The following ARID1B variants were observed in gnomAD, a reference collection of about 807,000 sequenced individuals.
ARID1B encodes AT-rich interactive domain-containing protein 1B.
A neutral mutation model predicts 212.3 loss-of-function variants in ARID1B; 30 were observed. That is an observed-to-expected ratio of 0.14 (90% CI 0.11 to 0.19). The LOEUF (loss-of-function observed/expected upper bound fraction) is 0.19. Among genes scored for constraint, ARID1B ranks in the 10% least tolerant of loss-of-function variants. The pLI is 1.00. For missense variants in ARID1B, 2,891 were observed against 3,204.0 expected (o/e 0.90, Z 2.36); for synonymous variants, 1,402 against 1,301.7 (o/e 1.08, Z -1.66).
chr6:156,786,559 T>C (rs972880540), intron 1 of ARID1B, among the ~76,000 whole-genome samples: 4 of 152,154 alleles, frequency 2.6e-5, no homozygotes, highest in Non-Finnish European at 5.9e-5. Flanking sequence ...GTAAGATCAG[T>C]TATGTACTTT....
intron 4 of ARID1B, among the ~76,000 whole-genome samples, chr6:157,044,600 C>A (rs1321473247): frequency 1.3e-5 from 2 of 152,178 alleles, no homozygotes; most frequent in Non-Finnish European, 2.9e-5. Context: ...TAGAGGGCTC[C>A]AGTTTGAATT....
At chr6:156,870,780 A>G (rs1289612690) in intron 2 of ARID1B, among the ~76,000 whole-genome samples, 2 of 152,050 alleles carry the variant, frequency 1.3e-5, no homozygotes, top group South Asian at 2.1e-4. Context: ...ATTCTGTCGT[A>G]TTGCACATTA....
chr6:157,188,206 A>T (rs1283297003), intron 13 of ARID1B, among the ~76,000 whole-genome samples: 4 of 140,470 alleles, frequency 2.8e-5, no homozygotes, highest in Non-Finnish European at 4.6e-5. Flanking sequence ...CTTAAAGTTT[A>T]AAAAAAAAAA....
At chr6:157,102,586 T>C (rs1192330262) in intron 5 of ARID1B, among the ~76,000 whole-genome samples, 1 of 150,282 alleles carries the variant, frequency 6.7e-6, no homozygotes, top group Non-Finnish European at 1.5e-5. Context: ...TTTCAGCAAG[T>C]ATTCCTCCTG....
chr6:156,816,045 C>T (rs1222371872), intron 1 of ARID1B, among the ~76,000 whole-genome samples: 1 of 152,188 alleles, frequency 6.6e-6, no homozygotes, highest in East Asian at 1.9e-4. Flanking sequence ...GCTTTATACA[C>T]ATTTACCATT....
chr6:156,848,692 G>A (rs1387085137), intron 2 of ARID1B, among the ~76,000 whole-genome samples: 2 of 152,190 alleles, frequency 1.3e-5, no homozygotes, highest in African/African-American at 4.8e-5. Flanking sequence ...TACCCGGTGT[G>A]TGGTCTGCCA....
intron 1 of ARID1B, among the ~76,000 whole-genome samples, chr6:156,802,298 A>G (rs1780845815): frequency 6.6e-6 from 1 of 152,224 alleles, no homozygotes. Flanking sequence ...AAGCAAAAAT[A>G]CATTTTTTAG....
chr6:157,148,663 G>T lies in ARID1B; in HGVS notation c.2801G>T (p.Ser934Ile). 6.2e-7 allele frequency: 1 copy of T among 1,609,394 alleles called. No homozygotes were observed. Among genetic ancestry groups the T allele is most frequent in the Non-Finnish European group, 8.5e-7 (1 of 1,176,682 alleles). Residue 934 changes from serine to isoleucine, a missense_variant, in exon 8 of 20, where the codon AGT becomes ATT. Around this residue, in one of 7 missense-constraint regions of ARID1B, gnomAD observed 1,643 missense variants for 1,544.0 expected, o/e 1.06. Transcript: ENST00000636930. This position sits in a 1 kb window ranked among gnomAD's most constrained non-coding sequence, Gnocchi z 5.6. ...CCCCCAGCGTATAGTGGGGTGCCCA[G>T]TGCAAGCTACAGCGGCCCAGGGCCC... ...SRPPAYSGVP[S>I]ASYSGPGPGM... is the part of the protein sequence containing the mutation.
intron 1 of ARID1B, among the ~76,000 whole-genome samples, chr6:156,804,566 G>C (rs2127955029): frequency 6.6e-6 from 1 of 152,166 alleles, no homozygotes; most frequent in South Asian, 2.1e-4. Flanking sequence ...CCTCTTCACA[G>C]GGTGGCAGGG....
chr6:156,979,853 GC>G (rs1342872330), intron 4 of ARID1B, among the ~76,000 whole-genome samples: 12 of 151,986 alleles, frequency 7.9e-5, no homozygotes, highest in Non-Finnish European at 5.9e-5. Flanking sequence ...ACTGCACCTG[GC>G]CTGTTCCTTC....
intron 4 of ARID1B, among the ~76,000 whole-genome samples, chr6:156,962,676 A>T (rs1367658534): frequency 1.3e-5 from 2 of 151,812 alleles, no homozygotes; most frequent in Non-Finnish European, 2.9e-5. Context: ...GTAGAGATGG[A>T]TCTTCCCATG....
chr6:156,932,474 G>A (rs746098027), intron 3 of ARID1B, among the ~76,000 whole-genome samples: 4 of 152,000 alleles, frequency 2.6e-5, no homozygotes, highest in East Asian at 1.9e-4. Context: ...ACACACTGGT[G>A]TTCACTGGCT....
At chr6:157,195,442 A>C (rs1390978305) in intron 15 of ARID1B, 1 of 152,188 alleles carries the variant, frequency 6.6e-6, no homozygotes, top group Non-Finnish European at 1.5e-5. Context: ...AATATCTCTG[A>C]CTTGCTTCCT....
chr6:157,022,965 CTTGTA>C (rs1180993518), intron 4 of ARID1B: 1 of 147,156 alleles, frequency 6.8e-6, no homozygotes, highest in Non-Finnish European at 1.5e-5. Flanking sequence ...GTTTTTATGC[CTTGTA>C]GTGTTTACCG....
intron 11 of ARID1B, 80 bp from the exon 12 acceptor site, chr6:157,180,889 C>A: frequency 1.7e-6 from 2 of 1,177,734 alleles, no homozygotes; most frequent in South Asian, 1.4e-5. Flanking sequence ...TATTTGTTAG[C>A]TCATTACTTT....
At chr6:156,916,391 G>A (rs1021612868) in intron 3 of ARID1B, among the ~76,000 whole-genome samples, 5 of 152,028 alleles carry the variant, frequency 3.3e-5, no homozygotes, top group Admixed American at 6.5e-5. Context: ...CACACTGTGC[G>A]TTCATCAGAC....
chr6:156,874,312 G>A (rs1460234472), intron 2 of ARID1B, among the ~76,000 whole-genome samples: 2 of 152,168 alleles, frequency 1.3e-5, no homozygotes, highest in Admixed American at 6.5e-5. Flanking sequence ...AAGCTATCCA[G>A]CCACTTCAGC....
intron 4 of ARID1B, chr6:157,036,842 T>C (rs1032429573): frequency 4.0e-6 from 2 of 501,404 alleles, no homozygotes; most frequent in Non-Finnish European, 7.9e-6. Flanking sequence ...CAGGTTGAAG[T>C]CTTGGCCTCG....
intron 4 of ARID1B, among the ~76,000 whole-genome samples, chr6:157,030,881 C>T (rs970513967): frequency 1.3e-5 from 2 of 152,314 alleles, no homozygotes; most frequent in African/African-American, 2.4e-5. Flanking sequence ...ATTCAGAGGA[C>T]GGCCGCTGTA....
Sources: allele counts gnomAD v4.1 joint callset (sites outside exome capture counted in the v4.1 genomes callset), GRCh38; gene constraint gnomAD v4.1.1; regional missense constraint gnomAD v4.1.1; non-coding constraint Gnocchi (gnomAD v3.1); transcripts MANE v1.5; gene names NCBI Gene and HGNC (gene_info 2026-07-23, HGNC 2026-07-21).